Variants in TEX9 observed in about 807,000 individuals in gnomAD.
TEX9 encodes testis expressed 9.
In TEX9, 74 loss-of-function variants were observed where a neutral mutation model predicts 59.6. That is an observed-to-expected ratio of 1.24 (90% CI 1.03 to 1.51). The LOEUF (loss-of-function observed/expected upper bound fraction) is 1.51, where lower values mean the gene tolerates loss of function less well. Ranked by LOEUF, TEX9 falls within the 40% of genes most tolerant of loss-of-function variation. The pLI is 0.00. For missense variants in TEX9, 522 were observed against 447.8 expected (o/e 1.17, Z -1.49); for synonymous variants, 186 against 152.2 (o/e 1.22, Z -1.64).
intron 1 of TEX9, among the ~76,000 whole-genome samples, chr15:56,247,115 A>G (rs184955921): frequency 1.4e-4 from 21 of 152,244 alleles, no homozygotes; most frequent in South Asian, 4.1e-4. Flanking sequence ...TCCTAGCCCA[A>G]TCCATTATAT....
chr15:56,366,028 C>T (rs1427366059), intron 2 of TEX9: 1 of 518,962 alleles, frequency 1.9e-6, no homozygotes, highest in African/African-American at 2.1e-5. Flanking sequence ...ATATCAAGTT[C>T]ATAGAGTTTA....
At chr15:56,264,167 A>T (rs1403125647) in intron 1 of TEX9, among the ~76,000 whole-genome samples, 1 of 152,210 alleles carries the variant, frequency 6.6e-6, no homozygotes, top group Admixed American at 6.5e-5. Flanking sequence ...TCATTTCCAA[A>T]ATAGTCGCAC....
chr15:56,442,262 G>C lies in TEX9; in HGVS notation c.*30-3409G>C, dbSNP rs2050828372. On this transcript the variant is annotated intron_variant, in intron 12 of 12. Transcript: ENST00000352903. ...GACAAGGTTGTGGAGAAAAAGGAAT[G>C]CTTATACACTGTTGGTGGGAATGTA... Among the ~76,000 whole-genome samples, 4 of 152,114 alleles carry C rather than the reference G, an allele frequency of 2.6e-5. 1 individual carries two copies. The South Asian group carries it at 8.3e-4, about 32-fold the overall frequency.
At chr15:56,265,335 T>G (rs2044356027) in intron 1 of TEX9, among the ~76,000 whole-genome samples, 1 of 151,688 alleles carries the variant, frequency 6.6e-6, no homozygotes, top group African/African-American at 2.4e-5. Flanking sequence ...CCCAGCTTTT[T>G]TTTTATTTTT....
chr15:56,412,523 A>G (rs2049409113), intron 10 of TEX9, 87 bp downstream of exon 10: 1 of 1,347,602 alleles, frequency 7.4e-7, no homozygotes, highest in Admixed American at 2.3e-5. Context: ...CTTAAATTAT[A>G]ATTCTTGATG....
intron 1 of TEX9, among the ~76,000 whole-genome samples, chr15:56,272,144 A>C (rs2044549863): frequency 2.5e-5 from 1 of 40,292 alleles, no homozygotes; most frequent in African/African-American, 5.3e-5. Flanking sequence ...ATTCCATCTC[A>C]AAAAAAAAAA....
At chr15:56,302,446 A>T (rs1386494244) in intron 1 of TEX9, among the ~76,000 whole-genome samples, 3 of 152,134 alleles carry the variant, frequency 2.0e-5, no homozygotes, top group Non-Finnish European at 4.4e-5. Flanking sequence ...ACTTGAGCCC[A>T]GGAGATCAAG....
chr15:56,268,606 T>C (rs1444580593), intron 1 of TEX9, among the ~76,000 whole-genome samples: 1 of 152,168 alleles, frequency 6.6e-6, no homozygotes, highest in African/African-American at 2.4e-5. Flanking sequence ...TCTTTGGTTC[T>C]GTTTATGTGA....
chr15:56,310,118 GC>G (rs796175165), intron 1 of TEX9, among the ~76,000 whole-genome samples: 2 of 152,282 alleles, frequency 1.3e-5, no homozygotes, highest in African/African-American at 4.8e-5. Flanking sequence ...TAGGGACGTG[GC>G]TTTGATCTCT....
chr15:56,379,467 ATGG>A lies in TEX9; in HGVS notation c.184-4483_184-4481del, dbSNP rs554831461. On this transcript the variant is annotated intron_variant, in intron 3 of 12. Transcript: ENST00000352903. The stretch of plus-strand genomic sequence containing the variant: ...TACAACTTGTTTTGTGACCTAACAT[ATGG>A]TCTGTCCTTGAGAATGATATACATG... Among the ~76,000 whole-genome samples, 274 of 152,362 alleles carry A rather than the reference ATGG, an allele frequency of 1.8e-3. 1 individual carries two copies. The highest frequency in any genetic ancestry group is 6.3e-3 in the African/African-American group (264 of 41,584).
At chr15:56,429,143 CCTGAACTCTTCACCAAGCAGA>C (rs1289121332) in intron 12 of TEX9, 6 of 1,602,846 alleles carry the variant, frequency 3.7e-6, no homozygotes, top group Admixed American at 1.7e-5. Context: ...GATATACTTT[CCTGAACTCTTCACCAAGCAGA>C]TCAATATCAT....
At chr15:56,339,656 T>C (rs1251293246) in intron 1 of TEX9, among the ~76,000 whole-genome samples, 1 of 152,096 alleles carries the variant, frequency 6.6e-6, no homozygotes, top group Non-Finnish European at 1.5e-5. Context: ...TATGCACAGA[T>C]ATAGACTGAA....
At chr15:56,401,989 G>C (rs2048810806) in intron 9 of TEX9, among the ~76,000 whole-genome samples, 2 of 152,212 alleles carry the variant, frequency 1.3e-5, no homozygotes, top group Non-Finnish European at 2.9e-5. Flanking sequence ...GCAGTGTGTA[G>C]AGGGAAATTT....
chr15:56,404,124 A>G (rs1209017066), intron 9 of TEX9, among the ~76,000 whole-genome samples: 1 of 152,242 alleles, frequency 6.6e-6, no homozygotes, highest in East Asian at 1.9e-4. Flanking sequence ...AAAAGCCAAA[A>G]TAGACAAATG....
At chr15:56,450,379 C>T (rs77480592), downstream of TEX9, among the ~76,000 whole-genome samples, 3,451 of 152,178 alleles carry the variant, frequency 0.023, 132 homozygotes, top group African/African-American at 0.078. Context: ...TTCATTCCCC[C>T]CAAAGAGAAA....
chr15:56,337,494 A>G (rs560342378), intron 1 of TEX9, among the ~76,000 whole-genome samples: 1 of 152,314 alleles, frequency 6.6e-6, no homozygotes, highest in African/African-American at 2.4e-5. Context: ...AGCAACCGTA[A>G]CTGGGGCAGC....
intron 1 of TEX9, among the ~76,000 whole-genome samples, chr15:56,350,278 G>C (rs1279197567): frequency 6.6e-6 from 1 of 152,148 alleles, no homozygotes; most frequent in Non-Finnish European, 1.5e-5. Flanking sequence ...GTTGGCAAGT[G>C]TGTAATGTCC....
chr15:56,359,927 A>C (rs1287308186), intron 1 of TEX9, among the ~76,000 whole-genome samples: 3 of 152,094 alleles, frequency 2.0e-5, no homozygotes, highest in African/African-American at 7.2e-5. Context: ...TAGTTTTCTG[A>C]GAGTTTGTAC....
At chr15:56,374,318 T>C (rs910127422) in intron 3 of TEX9, 8 of 152,160 alleles carry the variant, frequency 5.3e-5, no homozygotes, top group African/African-American at 1.9e-4. Context: ...AGGAAAGGGG[T>C]TGGGGAATGG....
Sources: allele counts gnomAD v4.1 joint callset (sites outside exome capture counted in the v4.1 genomes callset), GRCh38; gene constraint gnomAD v4.1.1; transcripts MANE v1.5; gene names NCBI Gene and HGNC (gene_info 2026-07-23, HGNC 2026-07-21).